Variants in KCNC2 observed in about 807,000 individuals in gnomAD.
The protein encoded by KCNC2 is voltage-gated potassium channel KCNC2.
In KCNC2, 21 loss-of-function variants were observed where a neutral mutation model predicts 44.5. That is an observed-to-expected ratio of 0.47 (90% confidence interval 0.33 to 0.68). The LOEUF (loss-of-function observed/expected upper bound fraction) is 0.68, where lower values mean the gene tolerates loss of function less well. Ranked by LOEUF, KCNC2 falls within the 30% of genes least tolerant of loss-of-function variation. KCNC2 has a pLI of 0.01. For missense variants in KCNC2, 589 were observed against 826.2 expected (o/e 0.71, Z 3.52); for synonymous variants, 391 against 339.1 (o/e 1.15, Z -1.68).
chr12:75,103,243 G>A (rs1481637187), intron 2 of KCNC2, among the ~76,000 whole-genome samples: 1 of 152,150 alleles, frequency 6.6e-6, no homozygotes, highest in African/African-American at 2.4e-5. Context: ...TATATGCGTG[G>A]GTTCCACATA....
chr12:75,076,454 A>G (rs965804380), intron 2 of KCNC2, among the ~76,000 whole-genome samples: 22 of 151,796 alleles, frequency 1.4e-4, no homozygotes, highest in African/African-American at 5.1e-4. Context: ...TTTTATTTTT[A>G]GTAGAGATAG....
rs1008612802 is a variant in KCNC2, at chr12:75,160,049, C to T, written c.687+47248G>A. Among the ~76,000 whole-genome samples, 5 of 151,854 alleles carry T rather than the reference C, an allele frequency of 3.3e-5. No homozygotes were observed. In the East Asian group the frequency reaches 9.7e-4, roughly 29 times the overall value. On this transcript the variant is annotated intron_variant, in intron 2 of 4. Transcript: ENST00000549446. ...CACTATAGGCTGAGTTGTGCCCTCA[C>T]AAAATCCATTTGTTGAAGGCCTAAC...
intron 2 of KCNC2, among the ~76,000 whole-genome samples, chr12:75,141,533 A>G (rs1447533327): frequency 1.3e-5 from 2 of 152,182 alleles, no homozygotes; most frequent in African/African-American, 2.4e-5. Context: ...TCTCTAACCC[A>G]CACTGACTGC....
At chr12:75,071,106 C>A (rs1043057324) in intron 2 of KCNC2, among the ~76,000 whole-genome samples, 1 of 151,964 alleles carries the variant, frequency 6.6e-6, no homozygotes, top group African/African-American at 2.4e-5. Context: ...ATGTGTAATT[C>A]TGGACAATTT....
chr12:75,041,563 A>G lies in KCNC2; in HGVS notation c.*1542T>C, dbSNP rs1371104991. On this transcript the variant is annotated 3_prime_UTR_variant, in exon 5 of 5. Transcript: ENST00000549446. ...TATTACGGTCTTTTTCTTCCCTCAC[A>G]TGCTCAATACATGAGACACGCTATT... The G allele has an allele frequency of 7.2e-6, 8 of 1,108,416 alleles. No individual in the cohort carries two copies. The highest frequency in any genetic ancestry group is 1.3e-4 in the East Asian group (2 of 15,616). The allele number at this position is 1,108,416 out of a possible 1,614,324, so 68.7% of individuals were successfully genotyped here.
intron 2 of KCNC2, among the ~76,000 whole-genome samples, chr12:75,053,389 G>T (rs1262898932): frequency 1.3e-5 from 2 of 151,044 alleles, no homozygotes; most frequent in Admixed American, 1.3e-4. Context: ...GGATGTGTGT[G>T]TGCGTGTGTG....
At position 75,182,378 on chromosome 12, in the gene KCNC2, C is replaced by T. The variant is rs189204177; in HGVS notation, c.687+24919G>A. ...TCTCTACTAAAAATACAAAAATTAG[C>T]GGGGCGTGGTGGCGGGTGCCTGTAG... On this transcript the variant is annotated intron_variant, in intron 2 of 4. Coordinates refer to ENST00000549446, the MANE Select transcript of KCNC2 (RefSeq NM_139137.4). Among the ~76,000 whole-genome samples, 212 of 151,632 alleles carry T rather than the reference C, an allele frequency of 1.4e-3. 1 individual carries two copies. Among genetic ancestry groups the T allele is most frequent in the East Asian group, 2.7e-3 (14 of 5,094 alleles).
intron 2 of KCNC2, among the ~76,000 whole-genome samples, chr12:75,182,247 C>A (rs761257638): frequency 6.6e-6 from 1 of 151,342 alleles, no homozygotes; most frequent in African/African-American, 2.4e-5. Flanking sequence ...TGACTATGGC[C>A]GGGGGTGGTG....
chr12:75,138,757 G>T (rs1031388061), intron 2 of KCNC2, among the ~76,000 whole-genome samples: 9 of 152,062 alleles, frequency 5.9e-5, no homozygotes, highest in Admixed American at 3.9e-4. Context: ...GAGGCGGTCA[G>T]ATCACGAGGT....
chr12:75,204,067 A>G (rs2137804039), intron 2 of KCNC2, among the ~76,000 whole-genome samples: 1 of 152,064 alleles, frequency 6.6e-6, no homozygotes, highest in Non-Finnish European at 1.5e-5. Flanking sequence ...AATATCACTC[A>G]CTAGCATCAA....
intron 2 of KCNC2, among the ~76,000 whole-genome samples, chr12:75,131,136 G>A (rs530618739): frequency 6.6e-6 from 1 of 152,188 alleles, no homozygotes; most frequent in East Asian, 1.9e-4. Flanking sequence ...CAGCGAAAAT[G>A]CCTTAACTAA....
chr12:75,161,499 A>G (rs1022414902), intron 2 of KCNC2, among the ~76,000 whole-genome samples: 2 of 151,716 alleles, frequency 1.3e-5, no homozygotes, highest in African/African-American at 4.8e-5. Context: ...ACAAAATAAG[A>G]TTCTAAAGTT....
At chr12:75,104,507 C>G (rs950316889) in intron 2 of KCNC2, among the ~76,000 whole-genome samples, 2 of 151,866 alleles carry the variant, frequency 1.3e-5, no homozygotes, top group African/African-American at 4.8e-5. Context: ...CATTTCCTCC[C>G]AAAACAGTAC....
chr12:75,085,943 C>T (rs1884959420), intron 2 of KCNC2, among the ~76,000 whole-genome samples: 1 of 151,894 alleles, frequency 6.6e-6, no homozygotes, highest in Admixed American at 6.6e-5. Flanking sequence ...ACCTGATTTC[C>T]CACCCTTTAA....
intron 2 of KCNC2, among the ~76,000 whole-genome samples, chr12:75,075,559 G>A (rs1389176428): frequency 6.6e-6 from 1 of 151,110 alleles, no homozygotes; most frequent in East Asian, 1.9e-4. Flanking sequence ...ATTAGTGGAA[G>A]CCCCTTGAGA....
At chr12:75,107,449 G>C (rs745616738) in intron 2 of KCNC2, among the ~76,000 whole-genome samples, 55 of 152,016 alleles carry the variant, frequency 3.6e-4, no homozygotes, top group Middle Eastern at 3.4e-3. Flanking sequence ...ATTTTTCAGC[G>C]TCTATGTGTT....
At position 75,051,138 on chromosome 12, in the gene KCNC2, A is replaced by C; in HGVS notation, c.867T>G (p.Cys289Trp). 6.2e-7 allele frequency: 1 copy of C among 1,613,864 alleles called. No individual in the cohort carries two copies. The highest frequency in any genetic ancestry group is 8.5e-7 in the Non-Finnish European group (1 of 1,179,850). ...DPALTYVEGV[C>W]VVWFTFEFLV... is the part of the protein sequence containing the mutation. Reference sequence around the variant, plus strand: ...AAAATTCAAAAGTAAACCACACCACACACACTCCTTCTACATACGTCAAGG... The same window carrying C: ...AAAATTCAAAAGTAAACCACACCACCCACACTCCTTCTACATACGTCAAGG... Residue 289 changes from cysteine (C) to tryptophan (W), a missense_variant, in exon 3 of 5, where the codon TGT becomes TGG. Cys to Trp is a radical substitution (Grantham distance 215). Around this residue, in one of 7 missense-constraint regions of KCNC2, gnomAD observed 40 missense variants for 40.6 expected, o/e 0.99. Transcript: ENST00000549446.
chr12:75,207,537 C>A lies in KCNC2; in HGVS notation c.447G>T (p.Glu149Asp). 6.2e-7 allele frequency: 1 copy of A among 1,612,266 alleles called. No homozygotes were observed. The highest frequency in any genetic ancestry group is 8.5e-7 in the Non-Finnish European group (1 of 1,179,882). The change falls in exon 2 of 5, where the codon GAG (glutamate) becomes GAT (aspartate). Residue 149 changes from glutamate to aspartate, a missense_variant. Glu to Asp is a conservative substitution (Grantham distance 45). This residue lies in a region of KCNC2 where 40 missense variants were observed against 102.0 expected (regional missense o/e 0.39). Coordinates refer to ENST00000549446, the MANE Select transcript of KCNC2 (RefSeq NM_139137.4). The surrounding 1 kb of genome is among the most constrained non-coding windows in gnomAD (Gnocchi z 4.1). Reference sequence around the variant, plus strand: ...GCCGGTAGGTCATCCAGCAGCAGGGCTCCACGTCGGTCTCGTCGATGCCCC... The same window carrying A: ...GCCGGTAGGTCATCCAGCAGCAGGGATCCACGTCGGTCTCGTCGATGCCCC... ...AFWGIDETDV[E>D]PCCWMTYRQH...
intron 2 of KCNC2, among the ~76,000 whole-genome samples, chr12:75,079,725 G>A (rs1884310798): frequency 6.6e-6 from 1 of 152,036 alleles, no homozygotes; most frequent in Non-Finnish European, 1.5e-5. Flanking sequence ...CAACCAAATT[G>A]CGAGCTGGAG....
Sources: allele counts gnomAD v4.1 joint callset (sites outside exome capture counted in the v4.1 genomes callset), GRCh38; gene constraint gnomAD v4.1.1; regional missense constraint gnomAD v4.1.1; non-coding constraint Gnocchi (gnomAD v3.1); transcripts MANE v1.5; gene names NCBI Gene and HGNC (gene_info 2026-07-23, HGNC 2026-07-21).